The following MACROD2 variants were observed in gnomAD, a reference collection of about 807,000 sequenced individuals.
MACROD2 encodes ADP-ribose glycohydrolase MACROD2.
MACROD2 carries 36 observed loss-of-function variants against 70.4 expected under a neutral mutation model. The observed-to-expected ratio is 0.51, with a 90% CI of 0.39 to 0.68. The LOEUF is 0.68. Ranked by LOEUF, MACROD2 falls within the 30% of genes least tolerant of loss-of-function variation. The pLI is 0.00. For missense variants in MACROD2, 496 were observed against 538.4 expected (o/e 0.92, Z 0.78); for synonymous variants, 172 against 178.8 (o/e 0.96, Z 0.30).
chr20:16,015,411 A>C (rs2066916386), intron 15 of MACROD2, among the ~76,000 whole-genome samples: 1 of 152,134 alleles, frequency 6.6e-6, no homozygotes, highest in Non-Finnish European at 1.5e-5. Context: ...TATCTCACCT[A>C]GTCCTGATTC....
chr20:15,622,688 G>A (rs981028005), intron 8 of MACROD2, among the ~76,000 whole-genome samples: 5 of 152,104 alleles, frequency 3.3e-5, no homozygotes, highest in Non-Finnish European at 5.9e-5. Flanking sequence ...CAAGGCCTAC[G>A]TCATCCACCT....
intron 5 of MACROD2, among the ~76,000 whole-genome samples, chr20:15,053,738 T>C (rs374328649): frequency 6.6e-6 from 1 of 152,234 alleles, no homozygotes; most frequent in African/African-American, 2.4e-5. Flanking sequence ...AGTCTTATTA[T>C]TTAAAGAATA....
chr20:15,097,811 G>A (rs759549011), intron 5 of MACROD2, among the ~76,000 whole-genome samples: 5 of 152,158 alleles, frequency 3.3e-5, no homozygotes, highest in African/African-American at 4.8e-5. Context: ...CGACAAACAC[G>A]TAGCTGGTTT....
Position 15,318,961 on chromosome 20 carries a change from A to G in MACROD2, c.540+88900A>G, listed in dbSNP as rs143804869. 9.2e-5 allele frequency among the ~76,000 whole-genome samples: 14 copies of G among 152,308 alleles called. No individual in the cohort carries two copies. The East Asian group carries it at 2.5e-3, about 27-fold the overall frequency. On this transcript the variant is annotated intron_variant, in intron 6 of 17. Transcript: ENST00000684519. ...CAACATTGTACTAAAAGTTCCAGAC[A>G]GAGGATGTAGGCAAGAAAAAATAAG...
At chr20:15,462,602 G>C (rs888360188) in intron 7 of MACROD2, among the ~76,000 whole-genome samples, 1 of 152,206 alleles carries the variant, frequency 6.6e-6, no homozygotes. Flanking sequence ...TTACAGCTGA[G>C]TATTCTTAAA....
chr20:14,301,708 A>G (rs1216447170), intron 3 of MACROD2, among the ~76,000 whole-genome samples: 1 of 152,202 alleles, frequency 6.6e-6, no homozygotes, highest in Non-Finnish European at 1.5e-5. Flanking sequence ...CTAGAAAATT[A>G]TTATTGCTGT....
At chr20:14,458,768 G>A (rs1568621076) in intron 3 of MACROD2, among the ~76,000 whole-genome samples, 1 of 152,044 alleles carries the variant, frequency 6.6e-6, no homozygotes, top group Non-Finnish European at 1.5e-5. Context: ...GAAATATACT[G>A]AATTAGTCTC....
In MACROD2 at chr20:16,049,994, T is replaced by G; in HGVS notation, c.*118T>G. ...GCAAGTCCCATGGAAGGACGGGGAA[T>G]CCTTTACTCTAATTTCTCCAGCTGC... On this transcript the variant is annotated 3_prime_UTR_variant, in exon 18 of 18. Coordinates refer to ENST00000684519, the MANE Select transcript of MACROD2 (RefSeq NM_001351661.2). 8.1e-5 allele frequency: 54 copies of G among 670,526 alleles called. No homozygotes were observed. The highest frequency in any genetic ancestry group is 1.1e-4 in the Non-Finnish European group (45 of 415,286). The allele number at this position is 670,526 out of a possible 1,614,324, so 41.5% of individuals were successfully genotyped here. A position where few individuals can be genotyped will look rare whatever the true frequency, so the allele number is the denominator to read the frequency against.
intron 3 of MACROD2, among the ~76,000 whole-genome samples, chr20:14,444,849 G>A (rs1010524007): frequency 1.3e-5 from 2 of 151,102 alleles, no homozygotes; most frequent in South Asian, 2.1e-4. Context: ...ATATATATAT[G>A]TGTGTGTGTG....
intron 4 of MACROD2, among the ~76,000 whole-genome samples, chr20:14,667,382 C>G (rs2123551384): frequency 6.6e-6 from 1 of 152,286 alleles, no homozygotes. Context: ...TGCATTTAGT[C>G]TTGCCAATCC....
chr20:15,347,079 G>C (rs78710823), intron 6 of MACROD2, among the ~76,000 whole-genome samples: 4 of 152,140 alleles, frequency 2.6e-5, no homozygotes, highest in Admixed American at 6.5e-5. Flanking sequence ...TATGCCAGGT[G>C]ACTCTGTACT....
chr20:14,519,127 A>T (rs1877527448), intron 4 of MACROD2, among the ~76,000 whole-genome samples: 1 of 152,222 alleles, frequency 6.6e-6, no homozygotes, highest in South Asian at 2.1e-4. Flanking sequence ...AGAAAATTAT[A>T]GCAATGTGAA....
intron 4 of MACROD2, among the ~76,000 whole-genome samples, chr20:14,670,617 C>T (rs944266717): frequency 2.3e-4 from 35 of 152,144 alleles, no homozygotes; most frequent in African/African-American, 8.2e-4. Flanking sequence ...GAGATGTATG[C>T]CTACAACATT....
At chr20:15,792,908 A>T (rs2063637675) in intron 8 of MACROD2, among the ~76,000 whole-genome samples, 1 of 152,214 alleles carries the variant, frequency 6.6e-6, no homozygotes, top group Admixed American at 6.5e-5. Flanking sequence ...ACTAGAAATG[A>T]TCACATAACG....
chr20:14,063,523 T>C (rs1386231081), intron 2 of MACROD2, among the ~76,000 whole-genome samples: 1 of 152,174 alleles, frequency 6.6e-6, no homozygotes, highest in Non-Finnish European at 1.5e-5. Context: ...ATGAAACTTT[T>C]TGAGGGGTGA....
chr20:15,663,433 A>G (rs1373101992), intron 8 of MACROD2, among the ~76,000 whole-genome samples: 2 of 151,890 alleles, frequency 1.3e-5, no homozygotes, highest in Non-Finnish European at 2.9e-5. Flanking sequence ...AAAGGGTTTC[A>G]CCATGTTGCC....
At chr20:14,620,530 T>C (rs1265305127) in intron 4 of MACROD2, among the ~76,000 whole-genome samples, 1 of 152,102 alleles carries the variant, frequency 6.6e-6, no homozygotes, top group Admixed American at 6.6e-5. Flanking sequence ...TCTCCTCAAA[T>C]TTAATGAGCC....
chr20:14,969,507 A>T (rs1319306343), intron 5 of MACROD2, among the ~76,000 whole-genome samples: 5 of 152,102 alleles, frequency 3.3e-5, no homozygotes, highest in African/African-American at 1.2e-4. Flanking sequence ...CCTGTTGAGC[A>T]GATAGGAACC....
At chr20:14,158,417 A>G (rs2055135268) in intron 3 of MACROD2, among the ~76,000 whole-genome samples, 1 of 152,064 alleles carries the variant, frequency 6.6e-6, no homozygotes, top group Non-Finnish European at 1.5e-5. Flanking sequence ...GCTGGGTAGA[A>G]GCTTTTTAGT....
Sources: gnomAD v4.1 joint callset for allele counts (sites outside exome capture counted in the v4.1 genomes callset) on GRCh38, gnomAD v4.1.1 for gene constraint, MANE v1.5 for transcripts, NCBI Gene and HGNC (gene_info 2026-07-23, HGNC 2026-07-21) for gene names.